Variants in GABBR2 observed in about 807,000 individuals in gnomAD.
The protein encoded by GABBR2 is gamma-aminobutyric acid type B receptor subunit 2, also known as G-protein coupled receptor 51.
Under a neutral mutation model 105.6 loss-of-function variants are expected in GABBR2, and 23 were observed. That is an observed-to-expected ratio of 0.22 (90% CI 0.16 to 0.31). The LOEUF (loss-of-function observed/expected upper bound fraction) is 0.31. Ranked by LOEUF, GABBR2 falls within the 10% of genes least tolerant of loss-of-function variation. The pLI is 1.00. For missense variants in GABBR2, 734 were observed against 1,245.5 expected (o/e 0.59, Z 6.18); for synonymous variants, 478 against 499.7 (o/e 0.96, Z 0.58).
chr9:98,359,877 G>C (rs1207158782), intron 13 of GABBR2, among the ~76,000 whole-genome samples: 10 of 152,214 alleles, frequency 6.6e-5, no homozygotes, highest in Admixed American at 6.5e-4. Context: ...GGATGCTGGG[G>C]GAGGAAGTGA....
At chr9:98,575,773 C>T (rs936655002) in intron 2 of GABBR2, among the ~76,000 whole-genome samples, 1 of 152,162 alleles carries the variant, frequency 6.6e-6, no homozygotes, top group African/African-American at 2.4e-5. Context: ...GTTAGGTTTG[C>T]ACCAGAGCAC....
intron 3 of GABBR2, among the ~76,000 whole-genome samples, chr9:98,535,027 A>G (rs1828143444): frequency 6.6e-6 from 1 of 152,176 alleles, no homozygotes; most frequent in Admixed American, 6.5e-5. Flanking sequence ...CTGACAATGG[A>G]TACAGTTGAC....
chr9:98,543,933 T>C (rs1050993392), intron 2 of GABBR2, among the ~76,000 whole-genome samples: 9 of 152,290 alleles, frequency 5.9e-5, no homozygotes, highest in South Asian at 2.1e-4. Context: ...TCAGGTTTTA[T>C]GTCATATTTA....
chr9:98,459,665 A>G (rs1826389247), intron 6 of GABBR2, among the ~76,000 whole-genome samples: 1 of 152,268 alleles, frequency 6.6e-6, no homozygotes, highest in Admixed American at 6.5e-5. Flanking sequence ...AAGAGCCAAG[A>G]AAACAAACAG....
chr9:98,541,785 T>G, intron 3 of GABBR2, 88 bp downstream of exon 3: 1 of 1,192,462 alleles, frequency 8.4e-7, no homozygotes. Context: ...CCTGTGACAG[T>G]ACCCATCCCT....
chr9:98,375,945 C>T (rs181013751), intron 11 of GABBR2, among the ~76,000 whole-genome samples: 94 of 152,346 alleles, frequency 6.2e-4, no homozygotes, highest in Non-Finnish European at 4.6e-4. Context: ...TTCGTCAACA[C>T]CAAATAGCTA....
In GABBR2 at chr9:98,708,900, C is replaced by A. The variant is rs1237313897; in HGVS notation, c.-163G>T. The A allele has an allele frequency of 4.1e-6, 1 of 241,380 alleles. No individual in the cohort carries two copies. Among genetic ancestry groups the A allele is most frequent in the Non-Finnish European group, 6.7e-6 (1 of 149,902 alleles). The allele number at this position is 241,380 out of a possible 1,614,324, so 15.0% of individuals were successfully genotyped here. A position where few individuals can be genotyped will look rare whatever the true frequency, so the allele number is the denominator to read the frequency against. ...CCGGCTCGGCTCAGAACGGCCGCGGCGGCGGCGGCGGCAGCGGCGGCGCCC... is the reference window on the plus strand; with the variant it reads ...CCGGCTCGGCTCAGAACGGCCGCGGAGGCGGCGGCGGCAGCGGCGGCGCCC... On this transcript the variant is annotated 5_prime_UTR_variant, in exon 1 of 19. Transcript: ENST00000259455.
At chr9:98,550,999 G>A (rs1828477197) in intron 2 of GABBR2, among the ~76,000 whole-genome samples, 1 of 152,162 alleles carries the variant, frequency 6.6e-6, no homozygotes, top group South Asian at 2.1e-4. Context: ...CTGCTTGACA[G>A]TGGATAGATG....
chr9:98,367,662 C>T (rs1831706620), intron 12 of GABBR2, among the ~76,000 whole-genome samples: 2 of 152,098 alleles, frequency 1.3e-5, no homozygotes, highest in African/African-American at 4.8e-5. Flanking sequence ...GCACATTATT[C>T]CAGTATGAGA....
chr9:98,703,764 G>A (rs1010555901), intron 1 of GABBR2, among the ~76,000 whole-genome samples: 1 of 151,716 alleles, frequency 6.6e-6, no homozygotes, highest in Non-Finnish European at 1.5e-5. Context: ...AAAATGCTGA[G>A]ATTACAGGCA....
intron 3 of GABBR2, among the ~76,000 whole-genome samples, chr9:98,502,938 A>G (rs1827433846): frequency 6.6e-6 from 1 of 152,018 alleles, no homozygotes; most frequent in Non-Finnish European, 1.5e-5. Context: ...CCACTCATTC[A>G]TTTCTGATAT....
intron 6 of GABBR2, among the ~76,000 whole-genome samples, chr9:98,455,550 C>CTG (rs1200213658): frequency 1.3e-5 from 2 of 152,096 alleles, no homozygotes; most frequent in Non-Finnish European, 2.9e-5. Context: ...GTTACACAGC[C>CTG]TGTGTGTGTG....
chr9:98,692,852 C>T (rs1346679265), intron 1 of GABBR2, among the ~76,000 whole-genome samples: 1 of 152,180 alleles, frequency 6.6e-6, no homozygotes, highest in African/African-American at 2.4e-5. Context: ...TTCCAAATGC[C>T]TCATTCAGTA....
At chr9:98,591,848 AC>A (rs56364580) in intron 1 of GABBR2, among the ~76,000 whole-genome samples, 57,288 of 151,902 alleles carry the variant, frequency 0.38, 11,300 homozygotes, top group African/African-American at 0.5. Context: ...TCACTCTGTG[AC>A]CCCCACCTCA....
intron 1 of GABBR2, among the ~76,000 whole-genome samples, chr9:98,582,155 G>T (rs900792493): frequency 5.3e-5 from 8 of 152,180 alleles, no homozygotes; most frequent in Non-Finnish European, 8.8e-5. Flanking sequence ...TGTCATGAAG[G>T]TTACTAATCA....
chr9:98,468,021 A>C (rs1408507387), intron 6 of GABBR2, among the ~76,000 whole-genome samples: 1 of 152,198 alleles, frequency 6.6e-6, no homozygotes, highest in Non-Finnish European at 1.5e-5. Flanking sequence ...AGTGATGGGG[A>C]GCCTCAGTGG....
intron 2 of GABBR2, among the ~76,000 whole-genome samples, chr9:98,570,082 T>C (rs13286162): frequency 0.045 from 6,858 of 152,264 alleles, 189 homozygotes; most frequent in Middle Eastern, 0.095. Context: ...TGGGACTCCA[T>C]TGCCAATACC....
At chr9:98,412,769 T>G (rs1374507062) in intron 7 of GABBR2, among the ~76,000 whole-genome samples, 1 of 152,226 alleles carries the variant, frequency 6.6e-6, no homozygotes. Flanking sequence ...ACTTAGCTTA[T>G]TTGACTGTAG....
At chr9:98,500,914 A>T (rs1827384842) in intron 3 of GABBR2, among the ~76,000 whole-genome samples, 1 of 152,240 alleles carries the variant, frequency 6.6e-6, no homozygotes, top group South Asian at 2.1e-4. Flanking sequence ...GGTGGGGTCC[A>T]GCACCCTGTG....
Sources: gnomAD v4.1 joint callset for allele counts (sites outside exome capture counted in the v4.1 genomes callset) on GRCh38, gnomAD v4.1.1 for gene constraint, MANE v1.5 for transcripts, NCBI Gene and HGNC (gene_info 2026-07-23, HGNC 2026-07-21) for gene names.